Variants in TNFRSF17 observed in about 807,000 individuals in gnomAD.
TNFRSF17 encodes the protein TNF receptor superfamily member 17, also known as tumor necrosis factor receptor superfamily member 17.
TNFRSF17 carries 13 observed loss-of-function variants against 9.9 expected under a neutral mutation model. The ratio of observed to expected loss-of-function variants is 1.31; its 90% CI spans 0.85 to 2.08. The LOEUF (loss-of-function observed/expected upper bound fraction) is 2.08, where lower values mean the gene tolerates loss of function less well. Among genes scored for constraint, TNFRSF17 ranks in the 30% most tolerant of loss-of-function variants. The pLI, the probability that TNFRSF17 is intolerant of heterozygous loss-of-function variation, is 0.00. For synonymous variants in TNFRSF17, 99 were observed against 83.7 expected (o/e 1.18, Z -1.00); for missense variants, 305 against 225.8 (o/e 1.35, Z -2.25).
rs755751031 is a variant in TNFRSF17 at position 11,967,768 on chromosome 16, C to T, written c.476C>T (p.Thr159Met). The T allele has an allele frequency of 5.6e-6, 9 of 1,614,048 alleles. No individual in the cohort carries two copies. Among genetic ancestry groups the T allele is most frequent in the East Asian group, 2.2e-5 (1 of 44,900 alleles). ...MEEGATILVT[T>M]KTNDYCKSLP... Reference sequence around the variant, plus strand: ...GAAGGCGCAACCATTCTTGTCACCACGAAAACGAATGACTATTGCAAGAGC... The same window carrying T: ...GAAGGCGCAACCATTCTTGTCACCATGAAAACGAATGACTATTGCAAGAGC... Residue 159 changes from threonine to methionine, a missense_variant, in exon 3 of 3, where the codon ACG becomes ATG. Physicochemically the swap from Thr to Met is moderately conservative, Grantham distance 81. Transcript: ENST00000053243.
intron 1 of TNFRSF17, 40 bp downstream of exon 1, chr16:11,965,494 C>G: frequency 6.2e-7 from 1 of 1,603,146 alleles, no homozygotes; most frequent in Non-Finnish European, 8.5e-7. Context: ...TTGGTGTGAA[C>G]TATTCTGTCT....
chr16:11,967,621 G>C lies in TNFRSF17; in HGVS notation c.329G>C (p.Gly110Ala). The C allele has an allele frequency of 6.2e-7, 1 of 1,614,216 alleles. No individual in the cohort carries two copies. Among genetic ancestry groups the C allele is most frequent in the African/African-American group, 1.3e-5 (1 of 75,050 alleles). Residue 110 changes from glycine to alanine, a missense_variant, in exon 3 of 3, where the codon GGT (glycine) becomes GCT (alanine). Gly to Ala is a moderately conservative substitution (Grantham distance 60, BLOSUM62 0). Coordinates refer to ENST00000053243, the MANE Select transcript of TNFRSF17 (RefSeq NM_001192.3). Reference sequence around the variant, plus strand: ...ATTGACCTGGAAAAGAGCAGGACTGGTGATGAAATTATTCTTCCGAGAGGC... The same window carrying C: ...ATTGACCTGGAAAAGAGCAGGACTGCTGATGAAATTATTCTTCCGAGAGGC... ...ANIDLEKSRT[G>A]DEIILPRGLE...
At chr16:11,966,445 C>T (rs2055194987) in intron 2 of TNFRSF17, 104 bp downstream of exon 2, 2 of 1,200,718 alleles carry the variant, frequency 1.7e-6, no homozygotes, top group Admixed American at 2.2e-5. Flanking sequence ...TTCGTTACAG[C>T]CCTTTCGAAT....
In TNFRSF17 at chr16:11,967,755, A is replaced by T. The variant is rs1269948753; in HGVS notation, c.463A>T (p.Ile155Phe). 6.2e-7 allele frequency: 1 copy of T among 1,614,222 alleles called. No individual in the cohort carries two copies. ...CCCAGCTATGGAGGAAGGCGCAACC[A>T]TTCTTGTCACCACGAAAACGAATGA... ...PLPAMEEGAT[I>F]LVTTKTNDYC... Residue 155 changes from isoleucine to phenylalanine, a missense_variant, in exon 3 of 3, where the codon ATT (isoleucine) becomes TTT (phenylalanine). By Grantham distance (21) the Ile-to-Phe change is conservative. Transcript: ENST00000053243.
chr16:11,965,375 G>A lies in TNFRSF17; in HGVS notation c.51G>A (p.Leu17=), dbSNP rs1461485164. The change falls in exon 1 of 3, where the codon TTG becomes TTA. Residue 17 remains leucine (L), a synonymous_variant. Transcript: ENST00000053243. ...QCSQNEYFDS[L]LHACIPCQLR... is the part of the protein sequence containing the mutation. ...CCCAAAATGAATATTTTGACAGTTT[G>A]TTGCATGCTTGCATACCTTGTCAAC... 2 of 1,614,052 alleles carry A rather than the reference G, an allele frequency of 1.2e-6. No individual in the cohort carries two copies. Among genetic ancestry groups the A allele is most frequent in the Non-Finnish European group, 1.7e-6 (2 of 1,180,038 alleles).
intron 2 of TNFRSF17, chr16:11,967,251 C>CGTATCATTAAAAAA: frequency 3.7e-6 from 1 of 273,572 alleles, no homozygotes. Context: ...ATCTGCCCGC[C>CGTATCATTAAAAAA]TCAGCTTCCC....
At position 11,967,878 on chromosome 16, in the gene TNFRSF17, T is replaced by TA. The variant is rs757552584; in HGVS notation, c.*36dup. The TA allele has an allele frequency of 5.6e-5, 89 of 1,600,580 alleles. No homozygotes were observed. The highest frequency in any genetic ancestry group is 7.5e-5 in the Non-Finnish European group (88 of 1,172,754). On this transcript the variant is annotated 3_prime_UTR_variant, in exon 3 of 3. Transcript: ENST00000053243. The stretch of plus-strand genomic sequence containing the variant: ...CATTTCGACTCGAGCAGTGCCACTT[T>TA]AAAAATCTTTTGTCAGAATAGATGA...
chr16:11,966,252 G>A lies in TNFRSF17; in HGVS notation c.188G>A (p.Ser63Asn). The A allele has an allele frequency of 6.2e-7, 1 of 1,614,072 alleles. No individual in the cohort carries two copies. Among genetic ancestry groups the A allele is most frequent in the Non-Finnish European group, 8.5e-7 (1 of 1,179,956 alleles). ...ATTCTCTGGACCTGTTTGGGACTGA[G>A]CTTAATAATTTCTTTGGCAGTTTTC... ...NAILWTCLGL[S>N]LIISLAVFVL... Residue 63 changes from serine to asparagine, a missense_variant, in exon 2 of 3, where the codon AGC (serine) becomes AAC (asparagine). Physicochemically the swap from Ser to Asn is conservative, Grantham distance 46. Coordinates refer to ENST00000053243, the MANE Select transcript of TNFRSF17 (RefSeq NM_001192.3).
At chr16:11,966,414 T>G in intron 2 of TNFRSF17, 73 bp downstream of exon 2, 1 of 1,482,172 alleles carries the variant, frequency 6.7e-7, no homozygotes, top group Non-Finnish European at 9.2e-7. Context: ...CCTTTTCTTT[T>G]TTTAGCGTTG....
chr16:11,966,835 A>G (rs1414532668), intron 2 of TNFRSF17, among the ~76,000 whole-genome samples: 1 of 152,158 alleles, frequency 6.6e-6, no homozygotes, highest in Non-Finnish European at 1.5e-5. Context: ...TCTAAAAAAT[A>G]ATTATTTTTA....
intron 2 of TNFRSF17, chr16:11,967,224 GC>G (rs2055201287): frequency 4.4e-6 from 1 of 225,432 alleles, no homozygotes; most frequent in Admixed American, 5.4e-5. Flanking sequence ...ATGGTCTCAA[GC>G]TCCTGACCAC....
rs1023088881 is a variant in TNFRSF17 at position 11,965,587 on chromosome 16, A to C, written c.130+133A>C. ...ATCAAAAAGAGAAAGGAAGCAAGGC[A>C]GTGATTTTAATGTTTATGGAAACAA... On this transcript the variant is annotated intron_variant, in intron 1 of 2. Coordinates refer to ENST00000053243, the MANE Select transcript of TNFRSF17 (RefSeq NM_001192.3). 5 of 931,658 alleles carry C rather than the reference A, an allele frequency of 5.4e-6. No individual in the cohort carries two copies. The South Asian group carries it at 9.8e-5, about 18-fold the overall frequency. 57.7% of individuals were successfully genotyped at this position (931,658 alleles called of 1,614,324 possible).
intron 1 of TNFRSF17, 133 bp from the exon 2 acceptor site, chr16:11,966,062 G>C: frequency 1.2e-6 from 1 of 809,344 alleles, no homozygotes; most frequent in Non-Finnish European, 1.8e-6. Context: ...AGTGAGCCGA[G>C]ATCGCGCCAC....
At position 11,966,254 on chromosome 16, in the gene TNFRSF17, TTAA is replaced by T. The variant is rs771412919; in HGVS notation, c.195_197del (p.Ile66del). On this transcript the variant is annotated inframe_deletion, in exon 2 of 3. Transcript: ENST00000053243. ...TCTCTGGACCTGTTTGGGACTGAGC[TTAA>T]TAATTTCTTTGGCAGTTTTCGTGCT... is the stretch of plus-strand genomic sequence containing the variant. 9.9e-6 allele frequency: 16 copies of T among 1,613,996 alleles called. No individual in the cohort carries two copies. The highest frequency in any genetic ancestry group is 2.2e-5 in the East Asian group (1 of 44,894).
rs898068916 is a variant in TNFRSF17, at chr16:11,967,915, T to A, written c.*68T>A. On this transcript the variant is annotated 3_prime_UTR_variant, in exon 3 of 3. Coordinates refer to ENST00000053243, the MANE Select transcript of TNFRSF17 (RefSeq NM_001192.3). ...GTCAGAATAGATGATGTGTCAGATCTCTTTAGGATGACTGTATTTTTCAGT... is the reference window on the plus strand; with the variant it reads ...GTCAGAATAGATGATGTGTCAGATCACTTTAGGATGACTGTATTTTTCAGT... The A allele has an allele frequency of 6.5e-6, 10 of 1,534,970 alleles. No homozygotes were observed. The African/African-American group carries it at 1.2e-4, about 19-fold the overall frequency.
Position 11,967,999 on chromosome 16 carries a change from C to G in TNFRSF17, c.*152C>G, listed in dbSNP as rs975930812. The G allele has an allele frequency of 1.2e-6, 1 of 863,956 alleles. No individual in the cohort carries two copies. Among genetic ancestry groups the G allele is most frequent in the Non-Finnish European group, 1.7e-6 (1 of 582,918 alleles). The allele number at this position is 863,956 out of a possible 1,614,324, so 53.5% of individuals were successfully genotyped here. On this transcript the variant is annotated 3_prime_UTR_variant, in exon 3 of 3. Coordinates refer to ENST00000053243, the MANE Select transcript of TNFRSF17 (RefSeq NM_001192.3). ...AACTCTTTATGTTAGATATATTTCT[C>G]TAGGTTACTGTTGGGAGCTTAATGG...
In TNFRSF17 at chr16:11,967,628, A is replaced by G; in HGVS notation, c.336A>G (p.Glu112=). The G allele has an allele frequency of 2.5e-6, 4 of 1,614,216 alleles. No homozygotes were observed. Among genetic ancestry groups the G allele is most frequent in the East Asian group, 2.2e-5 (1 of 44,890 alleles). ...IDLEKSRTGD[E]IILPRGLEYT... is the part of the protein sequence containing the mutation. ...TGGAAAAGAGCAGGACTGGTGATGA[A>G]ATTATTCTTCCGAGAGGCCTCGAGT... Residue 112 remains glutamate (E), a synonymous_variant, in exon 3 of 3, where the codon GAA becomes GAG. Transcript: ENST00000053243.
chr16:11,965,477 T>C (rs1271915533), intron 1 of TNFRSF17, 23 bp downstream of exon 1: 2 of 1,612,728 alleles, frequency 1.2e-6, no homozygotes, highest in East Asian at 2.2e-5. Context: ...GCTTGAACGA[T>C]TATTCATTGG....
At chr16:11,966,362 T>C (rs377594247) in intron 2 of TNFRSF17, 21 bp downstream of exon 2, 29 of 1,600,784 alleles carry the variant, frequency 1.8e-5, no homozygotes, top group Non-Finnish European at 2.4e-5. Context: ...TGGTGAATCT[T>C]TGAAATCTAT....
Sources: allele counts gnomAD v4.1 joint callset (sites outside exome capture counted in the v4.1 genomes callset), GRCh38; gene constraint gnomAD v4.1.1; transcripts MANE v1.5; gene names NCBI Gene and HGNC (gene_info 2026-07-23, HGNC 2026-07-21).